Variants in ANGPT2 observed in about 807,000 individuals in gnomAD.
ANGPT2 encodes angiopoietin-2.
Under a neutral mutation model 62.9 loss-of-function variants are expected in ANGPT2, and 28 were observed. That is an observed-to-expected ratio of 0.44 (90% CI 0.33 to 0.61). ANGPT2 has a LOEUF of 0.61. Ranked by LOEUF, ANGPT2 falls within the 20% of genes least tolerant of loss-of-function variation. The pLI, the probability that ANGPT2 is intolerant of heterozygous loss-of-function variation, is 0.03. For missense variants in ANGPT2, 727 were observed against 594.9 expected, an observed-to-expected ratio of 1.22 and a Z score of -2.31; for synonymous variants, 284 against 207.8, an observed-to-expected ratio of 1.37 and a Z score of -3.15.
chr8:6,538,900 C>G (rs1222112127), intron 1 of ANGPT2, among the ~76,000 whole-genome samples: 3 of 152,168 alleles, frequency 2.0e-5, no homozygotes, highest in Admixed American at 6.5e-5. Context: ...CAGGGATATT[C>G]TATTTGGGAG....
chr8:6,505,691 A>G (rs1377213923), intron 8 of ANGPT2, among the ~76,000 whole-genome samples: 2 of 105,978 alleles, frequency 1.9e-5, no homozygotes, highest in Non-Finnish European at 4.3e-5. Context: ...TATATAGAAT[A>G]TATGTATTCT....
chr8:6,506,016 T>C (rs1349347456), intron 8 of ANGPT2, among the ~76,000 whole-genome samples: 1 of 145,188 alleles, frequency 6.9e-6, no homozygotes, highest in Non-Finnish European at 1.5e-5. Flanking sequence ...TATATATGTA[T>C]ATATATAAAA....
intron 5 of ANGPT2, among the ~76,000 whole-genome samples, chr8:6,517,286 G>C (rs1020366463): frequency 1.3e-5 from 2 of 152,166 alleles, no homozygotes; most frequent in African/African-American, 4.8e-5. Flanking sequence ...TATAAAGCTT[G>C]ATGTTTTTCA....
intron 1 of ANGPT2, among the ~76,000 whole-genome samples, chr8:6,550,378 C>T (rs998787064): frequency 1.8e-4 from 27 of 152,212 alleles, no homozygotes; most frequent in Admixed American, 7.8e-4. Context: ...GACTGTAGGG[C>T]TGCACCCAGA....
chr8:6,550,740 G>T (rs1263979816), intron 1 of ANGPT2, among the ~76,000 whole-genome samples: 1 of 152,162 alleles, frequency 6.6e-6, no homozygotes, highest in African/African-American at 2.4e-5. Context: ...GAGTTTTGCG[G>T]CCTGTGTACG....
chr8:6,517,563 T>C (rs1284883311), intron 5 of ANGPT2, among the ~76,000 whole-genome samples: 2 of 152,200 alleles, frequency 1.3e-5, no homozygotes, highest in Non-Finnish European at 2.9e-5. Context: ...TTGAATTAGA[T>C]AAATGAGTGC....
At chr8:6,534,528 C>T (rs1302260762) in intron 1 of ANGPT2, among the ~76,000 whole-genome samples, 1 of 152,120 alleles carries the variant, frequency 6.6e-6, no homozygotes, top group African/African-American at 2.4e-5. Context: ...CTCAGCCCCC[C>T]AAAGTGCTGG....
chr8:6,539,244 G>A (rs543954495), intron 1 of ANGPT2, among the ~76,000 whole-genome samples: 1 of 152,306 alleles, frequency 6.6e-6, no homozygotes, highest in African/African-American at 2.4e-5. Context: ...CCTGTGACGT[G>A]GGAAGCAAGT....
intron 7 of ANGPT2, 110 bp downstream of exon 7, chr8:6,513,568 C>T (rs879160607): frequency 3.7e-5 from 27 of 732,474 alleles, no homozygotes; most frequent in South Asian, 8.5e-5. Context: ...CTCCTGACCT[C>T]GTGATCTGCC....
intron 1 of ANGPT2, 92 bp from the exon 2 acceptor site, chr8:6,532,579 A>C: frequency 5.7e-6 from 5 of 877,090 alleles, no homozygotes; most frequent in Non-Finnish European, 7.9e-6. Flanking sequence ...ATCTTTAAAA[A>C]AAAAAAAAAA....
intron 5 of ANGPT2, among the ~76,000 whole-genome samples, chr8:6,517,732 T>C (rs764960890): frequency 6.6e-6 from 1 of 152,150 alleles, no homozygotes; most frequent in Non-Finnish European, 1.5e-5. Flanking sequence ...CTGTTACAGA[T>C]GGGGAAACTG....
intron 5 of ANGPT2, among the ~76,000 whole-genome samples, chr8:6,517,798 T>A (rs1286581618): frequency 6.6e-6 from 1 of 152,170 alleles, no homozygotes; most frequent in Non-Finnish European, 1.5e-5. Flanking sequence ...GAGCTAGAAT[T>A]TACATCCAAG....
At position 6,547,948 on chromosome 8, in the gene ANGPT2, C is replaced by T. The variant is rs1191640447; in HGVS notation, c.288+14699G>A. Among the ~76,000 whole-genome samples the T allele has an allele frequency of 2.0e-5, 3 of 150,986 alleles. No individual in the cohort carries two copies. In the East Asian group the frequency reaches 5.8e-4, roughly 29 times the overall value. On this transcript the variant is annotated intron_variant, in intron 1 of 8. Coordinates refer to ENST00000629816, the MANE Select transcript of ANGPT2 (RefSeq NM_001118887.2). ...ACTTCTCTAGTTTGGGTTATGACTC[C>T]TACGAGCCAGTTTAATTTTATCAGT...
chr8:6,521,443 G>C, intron 3 of ANGPT2, 33 bp from the exon 4 acceptor site: 2 of 1,420,568 alleles, frequency 1.4e-6, no homozygotes, highest in South Asian at 1.2e-5. Flanking sequence ...GTTAGTGAAG[G>C]CTATTCTAAT....
At chr8:6,515,863 T>C (rs1167950114) in intron 5 of ANGPT2, among the ~76,000 whole-genome samples, 2 of 152,202 alleles carry the variant, frequency 1.3e-5, no homozygotes, top group African/African-American at 4.8e-5. Context: ...GTTAGAATCC[T>C]AAAGAGGAGA....
intron 2 of ANGPT2, among the ~76,000 whole-genome samples, chr8:6,530,897 C>G (rs190084994): frequency 6.6e-6 from 1 of 152,352 alleles, no homozygotes; most frequent in Admixed American, 6.5e-5. Flanking sequence ...CATCTCCCCT[C>G]TCATGTCCTC....
intron 1 of ANGPT2, among the ~76,000 whole-genome samples, chr8:6,549,137 T>G (rs955705404): frequency 6.6e-6 from 1 of 152,204 alleles, no homozygotes; most frequent in African/African-American, 2.4e-5. Flanking sequence ...ATTTCAGAGA[T>G]AGCAGTACAA....
rs35519559 is a variant in ANGPT2, at chr8:6,526,257, T to TAAAAAAA, written c.566+1291_566+1297dup. On this transcript the variant is annotated intron_variant, in intron 3 of 8. Transcript: ENST00000629816. ...CAATATGGCAAAACCTTGCCTCTAC[T>TAAAAAAA]AAAAAAAAAAAAAAAAAAAAAAAAA... is the stretch of plus-strand genomic sequence containing the variant. Among the ~76,000 whole-genome samples, 28 of 77,500 alleles carry TAAAAAAA rather than the reference T, an allele frequency of 3.6e-4. 2 individuals carry two copies. The highest frequency in any genetic ancestry group is 1.2e-3 in the African/African-American group (28 of 23,606). The allele number at this position is 77,500 out of a possible 152,430, so 50.8% of individuals were successfully genotyped here. A position where few individuals can be genotyped will look rare whatever the true frequency, so the allele number is the denominator to read the frequency against.
In ANGPT2 at chr8:6,532,427, C is replaced by A. The variant is rs748039365; in HGVS notation, c.349G>T (p.Val117Leu). The A allele has an allele frequency of 6.2e-7, 1 of 1,614,012 alleles. No individual in the cohort carries two copies. The highest frequency in any genetic ancestry group is 1.3e-5 in the African/African-American group (1 of 74,910). The part of the protein sequence containing the change: ...KEMVEIQQNA[V>L]QNQTAVMIEI... The stretch of plus-strand genomic sequence containing the variant: ...ATCATCACAGCCGTCTGGTTCTGTA[C>A]TGCATTCTGCTGTATCTCTACCATT... The change falls in exon 2 of 9, where the codon GTA becomes TTA. Residue 117 changes from valine (V) to leucine (L), a missense_variant. Val to Leu is a conservative substitution (Grantham distance 32). Coordinates refer to ENST00000629816, the MANE Select transcript of ANGPT2 (RefSeq NM_001118887.2).
Sources: allele counts gnomAD v4.1 joint callset (sites outside exome capture counted in the v4.1 genomes callset), GRCh38; gene constraint gnomAD v4.1.1; transcripts MANE v1.5; gene names NCBI Gene and HGNC (gene_info 2026-07-23, HGNC 2026-07-21).